Variants in ACSM1 observed in about 807,000 individuals in gnomAD.
The protein encoded by ACSM1 is acyl-CoA synthetase medium chain family member 1.
In ACSM1, 79 loss-of-function variants were observed where a neutral mutation model predicts 75.8. The observed-to-expected ratio is 1.04, with a 90% CI of 0.87 to 1.26. ACSM1 has a LOEUF of 1.26. Among genes scored for constraint, ACSM1 ranks in the 50% most tolerant of loss-of-function variants. The pLI is 0.00. For synonymous variants in ACSM1, 279 were observed against 265.8 expected, an observed-to-expected ratio of 1.05 and a Z score of -0.48; for missense variants, 676 against 720.1, an observed-to-expected ratio of 0.94 and a Z score of 0.70.
intron 7 of ACSM1, among the ~76,000 whole-genome samples, chr16:20,653,104 C>A (rs1410957252): frequency 6.6e-6 from 1 of 152,084 alleles, no homozygotes; most frequent in African/African-American, 2.4e-5. Flanking sequence ...TCAACATATG[C>A]AAATCTATAA....
intron 2 of ACSM1, among the ~76,000 whole-genome samples, chr16:20,690,317 A>G (rs1300149213): frequency 2.0e-5 from 3 of 152,186 alleles, no homozygotes; most frequent in African/African-American, 7.2e-5. Context: ...TCCATTGTCT[A>G]CCTGACTCCT....
intron 7 of ACSM1, among the ~76,000 whole-genome samples, chr16:20,646,417 A>C (rs2018363891): frequency 6.6e-6 from 1 of 152,168 alleles, no homozygotes; most frequent in Non-Finnish European, 1.5e-5. Context: ...GGCAAATGCC[A>C]GCCCATGCCA....
chr16:20,625,206 G>A (rs542359803), intron 12 of ACSM1, among the ~76,000 whole-genome samples: 40 of 152,274 alleles, frequency 2.6e-4, no homozygotes, highest in African/African-American at 9.4e-4. Flanking sequence ...TGAGAGTTAA[G>A]TGATTTGGCA....
chr16:20,682,144 G>C, intron 4 of ACSM1, 112 bp downstream of exon 4: 1 of 999,494 alleles, frequency 1.0e-6, no homozygotes, highest in Non-Finnish European at 1.5e-6. Context: ...TGACTGGGCT[G>C]GTGCACCTAA....
chr16:20,690,332 T>C (rs907405220), intron 2 of ACSM1, among the ~76,000 whole-genome samples: 1 of 152,216 alleles, frequency 6.6e-6, no homozygotes, highest in Non-Finnish European at 1.5e-5. Flanking sequence ...ACTCCTAATG[T>C]CACTACTGCT....
At chr16:20,680,009 C>G (rs2079406314) in intron 4 of ACSM1, 1 of 152,126 alleles carries the variant, frequency 6.6e-6, no homozygotes, top group African/African-American at 2.4e-5. Context: ...ACAAGAGAGG[C>G]TTAGCAGGAG....
intron 4 of ACSM1, among the ~76,000 whole-genome samples, chr16:20,673,346 G>A (rs2020075020): frequency 6.6e-6 from 1 of 152,058 alleles, no homozygotes; most frequent in East Asian, 1.9e-4. Context: ...TGGTCTTGCT[G>A]TGAAATGGTA....
chr16:20,647,006 C>T (rs1049220535), intron 7 of ACSM1, among the ~76,000 whole-genome samples: 55 of 152,334 alleles, frequency 3.6e-4, no homozygotes, highest in African/African-American at 1.2e-3. Context: ...TATCATGAGC[C>T]ACAGCATATA....
In ACSM1 at chr16:20,625,440, C is replaced by G. The variant is rs2016863987; in HGVS notation, c.1510G>C (p.Asp504His). 6.2e-6 allele frequency: 10 copies of G among 1,614,134 alleles called. No homozygotes were observed. In the East Asian group the frequency reaches 2.2e-4, roughly 36 times the overall value. Residue 504 changes from aspartate (D) to histidine (H), a missense_variant, in exon 12 of 14, where the codon GAC (aspartate) becomes CAC (histidine). Transcript: ENST00000520010. ...CTCCTCACCTCCCCTCGAATCGGGT[C>G]TGGGCTGCCCACCACGGCTGACTCC... is the stretch of plus-strand genomic sequence containing the variant. ...VAESAVVGSP[D>H]PIRGEVVKAF...
chr16:20,634,077 A>G (rs970833590), intron 10 of ACSM1, among the ~76,000 whole-genome samples: 1 of 152,232 alleles, frequency 6.6e-6, no homozygotes, highest in Non-Finnish European at 1.5e-5. Context: ...AAACTCTCCC[A>G]TATATTGTCA....
intron 7 of ACSM1, among the ~76,000 whole-genome samples, chr16:20,643,621 A>G (rs943512623): frequency 1.1e-4 from 16 of 152,220 alleles, no homozygotes; most frequent in African/African-American, 3.4e-4. Context: ...GTGAAGAGTG[A>G]AAGCCCAAAG....
chr16:20,647,944 C>A (rs2152231553), intron 7 of ACSM1, among the ~76,000 whole-genome samples: 1 of 152,298 alleles, frequency 6.6e-6, no homozygotes, highest in South Asian at 2.1e-4. Flanking sequence ...TGCACCTGCC[C>A]TTTTGACCTC....
intron 8 of ACSM1, among the ~76,000 whole-genome samples, chr16:20,637,912 G>A (rs1265261931): frequency 6.6e-6 from 1 of 152,150 alleles, no homozygotes. Flanking sequence ...TTTTCCCCCT[G>A]TGTTGGGTGG....
intron 2 of ACSM1, among the ~76,000 whole-genome samples, chr16:20,689,173 T>C (rs2079608698): frequency 6.6e-6 from 1 of 151,774 alleles, no homozygotes; most frequent in African/African-American, 2.4e-5. Context: ...TTATTGGCCT[T>C]ATAATGTCAT....
intron 1 of ACSM1, among the ~76,000 whole-genome samples, chr16:20,695,622 A>G (rs547063687): frequency 6.6e-6 from 1 of 152,048 alleles, no homozygotes; most frequent in South Asian, 2.1e-4. Flanking sequence ...TCTATTACCT[A>G]TCTATTATGT....
At chr16:20,658,902 G>A (rs1209229372) in intron 7 of ACSM1, among the ~76,000 whole-genome samples, 1 of 152,136 alleles carries the variant, frequency 6.6e-6, no homozygotes, top group African/African-American at 2.4e-5. Context: ...AATAAGTAAG[G>A]TAACCACATT....
Position 20,669,923 on chromosome 16 carries a change from A to G in ACSM1, c.816T>C (p.Ile272=), listed in dbSNP as rs16970511. ...VSWCLSDSGW[I]VATIWTLVEP... is the part of the protein sequence containing the mutation. Reference sequence around the variant, plus strand: ...CTACCAGGGTCCAAATGGTAGCCACAATCCATCCTGAGTCCGACAGGCACC... The same window carrying G: ...CTACCAGGGTCCAAATGGTAGCCACGATCCATCCTGAGTCCGACAGGCACC... Residue 272 remains isoleucine (I), a synonymous_variant, in exon 6 of 14, where the codon ATT becomes ATC. Coordinates refer to ENST00000520010, the MANE Select transcript of ACSM1 (RefSeq NM_001318890.3). 1 of 1,613,804 alleles carries G rather than the reference A, an allele frequency of 6.2e-7. No individual in the cohort carries two copies. Among genetic ancestry groups the G allele is most frequent in the Admixed American group, 1.7e-5 (1 of 59,968 alleles).
intron 4 of ACSM1, among the ~76,000 whole-genome samples, chr16:20,672,917 C>T (rs1414424520): frequency 7.8e-6 from 1 of 128,742 alleles, no homozygotes; most frequent in Non-Finnish European, 1.6e-5. Context: ...ATATATAAAA[C>T]ATATTACATA....
At chr16:20,659,291 C>G (rs2019168408) in intron 7 of ACSM1, among the ~76,000 whole-genome samples, 1 of 152,140 alleles carries the variant, frequency 6.6e-6, no homozygotes, top group African/African-American at 2.4e-5. Flanking sequence ...TGCCAGATGG[C>G]CAAATCAGAC....
Sources: gnomAD v4.1 joint callset for allele counts (sites outside exome capture counted in the v4.1 genomes callset) on GRCh38, gnomAD v4.1.1 for gene constraint, MANE v1.5 for transcripts, NCBI Gene and HGNC (gene_info 2026-07-23, HGNC 2026-07-21) for gene names.